Variants in TENT2 observed in about 807,000 individuals in gnomAD.
TENT2 encodes poly(A) RNA polymerase GLD2.
Under a neutral mutation model 72.2 loss-of-function variants are expected in TENT2, and 44 were observed. That is an observed-to-expected ratio of 0.61 (90% CI 0.48 to 0.78). The LOEUF (loss-of-function observed/expected upper bound fraction) is 0.78. Ranked by LOEUF, TENT2 falls within the 30% of genes least tolerant of loss-of-function variation. The probability of loss-of-function intolerance (pLI) is 0.00; values close to 1 mark genes in which losing one functional copy is unlikely to be tolerated. For missense variants in TENT2, 541 were observed against 569.6 expected (o/e 0.95, Z 0.51); for synonymous variants, 212 against 192.5 (o/e 1.10, Z -0.84).
chr5:79,648,939 G>A, intron 9 of TENT2, 123 bp from the exon 10 acceptor site: 1 of 1,121,518 alleles, frequency 8.9e-7, no homozygotes, highest in Non-Finnish European at 1.3e-6. Context: ...AAAGTGAACA[G>A]ACACAGTGTT....
intron 8 of TENT2, among the ~76,000 whole-genome samples, chr5:79,646,632 A>G (rs937570257): frequency 1.3e-5 from 2 of 152,228 alleles, no homozygotes; most frequent in African/African-American, 4.8e-5. Flanking sequence ...TATAAAATAT[A>G]TAGGGAGATA....
chr5:79,617,430 AC>A (rs1473434156), intron 1 of TENT2: 2 of 152,064 alleles, frequency 1.3e-5, no homozygotes, highest in Non-Finnish European at 2.9e-5. Context: ...TTAACTAGCT[AC>A]TTTTCTGTAT....
chr5:79,668,176 G>A (rs6877794), intron 11 of TENT2, among the ~76,000 whole-genome samples: 66,635 of 151,796 alleles, frequency 0.44, 17,758 homozygotes, highest in African/African-American at 0.75. Flanking sequence ...ATAAGTACCC[G>A]TTAGTATTCT....
intron 14 of TENT2, among the ~76,000 whole-genome samples, chr5:79,683,705 G>C (rs1326966292): frequency 2.0e-5 from 3 of 151,562 alleles, no homozygotes; most frequent in African/African-American, 7.3e-5. Flanking sequence ...CACGAGGTCA[G>C]GAGATCGAGA....
chr5:79,664,127 C>T (rs901213909), intron 11 of TENT2, among the ~76,000 whole-genome samples: 10 of 152,106 alleles, frequency 6.6e-5, no homozygotes, highest in Non-Finnish European at 1.3e-4. Flanking sequence ...TATGCAAATA[C>T]TTCACCATTT....
chr5:79,620,788 T>C (rs187169385), intron 3 of TENT2, among the ~76,000 whole-genome samples: 398 of 152,352 alleles, frequency 2.6e-3, no homozygotes, highest in African/African-American at 7.2e-3. Flanking sequence ...GACACAATTA[T>C]AGCATTTTCT....
intron 10 of TENT2, among the ~76,000 whole-genome samples, chr5:79,651,048 G>A (rs1255570372): frequency 6.6e-6 from 1 of 152,044 alleles, no homozygotes; most frequent in South Asian, 2.1e-4. Context: ...AATAAGTTGT[G>A]TATACATTTC....
At chr5:79,629,466 G>A (rs1310282427) in intron 4 of TENT2, among the ~76,000 whole-genome samples, 1 of 152,148 alleles carries the variant, frequency 6.6e-6, no homozygotes, top group Non-Finnish European at 1.5e-5. Context: ...GAGATACACT[G>A]TTTTGCTAAA....
intron 4 of TENT2, among the ~76,000 whole-genome samples, chr5:79,633,157 T>G (rs561233471): frequency 6.6e-6 from 1 of 152,328 alleles, no homozygotes; most frequent in African/African-American, 2.4e-5. Context: ...GAATTTAAAC[T>G]TTTATTACAC....
rs1468760548 is a variant in TENT2 at position 79,629,600 on chromosome 5, G to A, written c.465+6111G>A. ...CCCAGCACTTTGGGAGGCCGAGGCG[G>A]GTGGATCACGAGGTCAGGAGATCGA... On this transcript the variant is annotated intron_variant, in intron 4 of 14. Transcript: ENST00000453514. 2.0e-5 allele frequency among the ~76,000 whole-genome samples: 3 copies of A among 151,854 alleles called. No homozygotes were observed. The South Asian group carries it at 6.2e-4, about 32-fold the overall frequency.
intron 4 of TENT2, 161 bp downstream of exon 4, chr5:79,623,650 A>AT (rs1183429802): frequency 2.3e-5 from 10 of 441,562 alleles, no homozygotes; most frequent in Non-Finnish European, 3.9e-5. Context: ...CATTACTTTG[A>AT]TTTTTGTTAG....
rs138491111 is a variant in TENT2 at position 79,645,715 on chromosome 5, G to A, written c.821+523G>A. ...TGAATGTCTTATGGGCATTGGAATT[G>A]TTTTGTAAATAGATGTTGATTATTT... On this transcript the variant is annotated intron_variant, in intron 8 of 14. Coordinates refer to ENST00000453514, the MANE Select transcript of TENT2 (RefSeq NM_001114394.3). 4.3e-3 allele frequency among the ~76,000 whole-genome samples: 649 copies of A among 152,204 alleles called. 3 individuals are homozygous for A. The highest frequency in any genetic ancestry group is 0.015 in the African/African-American group (616 of 41,538).
At chr5:79,660,583 A>T (rs1431260096) in intron 11 of TENT2, among the ~76,000 whole-genome samples, 1 of 152,196 alleles carries the variant, frequency 6.6e-6, no homozygotes, top group Non-Finnish European at 1.5e-5. Flanking sequence ...GTTAAAAAAC[A>T]CCTTAAATTA....
In TENT2 at chr5:79,669,023, A is replaced by T. The variant is rs761312669; in HGVS notation, c.1203A>T (p.Glu401Asp). Residue 401 changes from glutamate (E) to aspartate (D), a missense_variant, in exon 12 of 15, where the codon GAA becomes GAT. Glu to Asp is a conservative substitution (Grantham distance 45). Coordinates refer to ENST00000453514, the MANE Select transcript of TENT2 (RefSeq NM_001114394.3). ...LLGFLKYYAT[E>D]FDWNSQMISV... is the part of the protein sequence containing the mutation. Reference sequence around the variant, plus strand: ...GCTTTCTTAAATATTATGCTACAGAATTTGAGTAAGTAAAACTTTAAATTG... The same window carrying T: ...GCTTTCTTAAATATTATGCTACAGATTTTGAGTAAGTAAAACTTTAAATTG... The T allele has an allele frequency of 4.2e-5, 67 of 1,613,392 alleles. No homozygotes were observed. The highest frequency in any genetic ancestry group is 5.3e-5 in the Non-Finnish European group (63 of 1,179,718).
chr5:79,643,277 G>C (rs562616391), intron 7 of TENT2, among the ~76,000 whole-genome samples: 14 of 152,230 alleles, frequency 9.2e-5, no homozygotes, highest in Middle Eastern at 3.4e-3. Flanking sequence ...TTATATGTGT[G>C]AGAGAGAATT....
intron 4 of TENT2, among the ~76,000 whole-genome samples, chr5:79,637,445 G>A (rs2150338050): frequency 6.6e-6 from 1 of 151,618 alleles, no homozygotes; most frequent in East Asian, 1.9e-4. Context: ...CAGTGTTTTT[G>A]AGACAAGGTC....
intron 11 of TENT2, among the ~76,000 whole-genome samples, chr5:79,662,371 C>T (rs373902969): frequency 1.2e-4 from 18 of 152,238 alleles, no homozygotes; most frequent in South Asian, 2.1e-4. Context: ...ATGTTCTTAA[C>T]GGTATCTAGA....
chr5:79,670,699 G>T (rs1812381154), intron 12 of TENT2, among the ~76,000 whole-genome samples: 1 of 151,142 alleles, frequency 6.6e-6, no homozygotes, highest in Non-Finnish European at 1.5e-5. Context: ...GACTGTGAAG[G>T]TTTAATGGTT....
At position 79,641,166 on chromosome 5, in the gene TENT2, T is replaced by G; in HGVS notation, c.642T>G (p.Gly214=). The change falls in exon 6 of 15, where the codon GGT becomes GGG. Residue 214 remains glycine (G), a synonymous_variant. Coordinates refer to ENST00000453514, the MANE Select transcript of TENT2 (RefSeq NM_001114394.3). ...GATTTGGTACCCGGAGCAGTGATGGTGATTTATGCCTAGTTGTTAAGGAAG... is the reference window on the plus strand; with the variant it reads ...GATTTGGTACCCGGAGCAGTGATGGGGATTTATGCCTAGTTGTTAAGGAAG... ...LNGFGTRSSD[G]DLCLVVKEEP... 6.3e-7 allele frequency: 1 copy of G among 1,579,540 alleles called. No individual in the cohort carries two copies.
Sources: gnomAD v4.1 joint callset for allele counts (sites outside exome capture counted in the v4.1 genomes callset) on GRCh38, gnomAD v4.1.1 for gene constraint, MANE v1.5 for transcripts, NCBI Gene and HGNC (gene_info 2026-07-23, HGNC 2026-07-21) for gene names.